The following MAGOH variants were observed in gnomAD, a reference collection of about 807,000 sequenced individuals.
MAGOH encodes the protein protein mago nashi homolog.
In MAGOH, 3 loss-of-function variants were observed where a neutral mutation model predicts 20.9. The observed-to-expected ratio is 0.14, with a 90% CI of 0.07 to 0.37. The LOEUF (loss-of-function observed/expected upper bound fraction) is 0.37. Among genes scored for constraint, MAGOH ranks in the 10% least tolerant of loss-of-function variants. The pLI, the probability that MAGOH is intolerant of heterozygous loss-of-function variation, is 1.00. For missense variants in MAGOH, 66 were observed against 178.1 expected, an observed-to-expected ratio of 0.37 and a Z score of 3.58; for synonymous variants, 51 against 61.0, an observed-to-expected ratio of 0.84 and a Z score of 0.76.
intron 4 of MAGOH, among the ~76,000 whole-genome samples, chr1:53,227,781 C>T (rs1025839246): frequency 1.5e-4 from 23 of 152,016 alleles, no homozygotes; most frequent in Admixed American, 7.2e-4. Flanking sequence ...TCAGGTGATC[C>T]GCCTGCCTCG....
rs780825483 is a variant in MAGOH, at chr1:53,238,343, G to A, written c.88+18C>T. On this transcript the variant is annotated intron_variant, in intron 1 of 4. Coordinates refer to ENST00000371470, the MANE Select transcript of MAGOH (RefSeq NM_002370.4). Reference sequence around the variant, plus strand: ...CAGGCCTGGTCCCCGCTCCCGGCGGGCGGCAGGCTGCTTTTACCGTCCGGT... The same window carrying A: ...CAGGCCTGGTCCCCGCTCCCGGCGGACGGCAGGCTGCTTTTACCGTCCGGT... 3 of 1,613,668 alleles carry A rather than the reference G, an allele frequency of 1.9e-6. No homozygotes were observed. In the East Asian group the frequency reaches 6.7e-5, roughly 36 times the overall value.
At chr1:53,231,562 C>T (rs186354922) in intron 3 of MAGOH, among the ~76,000 whole-genome samples, 16 of 152,238 alleles carry the variant, frequency 1.1e-4, no homozygotes, top group East Asian at 7.7e-4. Context: ...TTAAATAATT[C>T]GTTCTTTTCC....
At chr1:53,236,749 C>T (rs1202700862) in intron 1 of MAGOH, among the ~76,000 whole-genome samples, 2 of 152,150 alleles carry the variant, frequency 1.3e-5, no homozygotes, top group Non-Finnish European at 2.9e-5. Flanking sequence ...AATCTATCTC[C>T]CTCACAGTCG....
At position 53,233,531 on chromosome 1, in the gene MAGOH, A is replaced by G. The variant is rs1645596539; in HGVS notation, c.258+11T>C. On this transcript the variant is annotated intron_variant, in intron 3 of 4. Transcript: ENST00000371470. ...AGATTTCTGCACTACAGGATAATCA[A>G]TAAAACACACCTGCCGGCCCACTCG... 1.2e-6 allele frequency: 2 copies of G among 1,604,144 alleles called. No individual in the cohort carries two copies.
At chr1:53,228,676 G>C (rs1450697603) in intron 4 of MAGOH, among the ~76,000 whole-genome samples, 196 bp downstream of exon 4, 1 of 152,148 alleles carries the variant, frequency 6.6e-6, no homozygotes, top group African/African-American at 2.4e-5. Context: ...AGCAATGGCT[G>C]AATGAAACAC....
intron 4 of MAGOH, among the ~76,000 whole-genome samples, chr1:53,228,425 C>T (rs1645570790): frequency 1.3e-5 from 2 of 151,848 alleles, no homozygotes; most frequent in Admixed American, 6.6e-5. Flanking sequence ...GTGGGAGACT[C>T]CATCTCAAAA....
chr1:53,237,843 C>G (rs905137924), intron 1 of MAGOH, among the ~76,000 whole-genome samples: 4 of 152,046 alleles, frequency 2.6e-5, no homozygotes, highest in African/African-American at 9.7e-5. Context: ...CTCATTCCCG[C>G]CCTGCAGCCT....
intron 1 of MAGOH, among the ~76,000 whole-genome samples, chr1:53,237,253 A>G (rs1477337504): frequency 6.6e-6 from 1 of 150,886 alleles, no homozygotes; most frequent in Admixed American, 6.6e-5. Flanking sequence ...CCGGCCCCCA[A>G]CATCTTTCGT....
At chr1:53,234,400 G>A (rs1460929580) in intron 2 of MAGOH, among the ~76,000 whole-genome samples, 1 of 144,632 alleles carries the variant, frequency 6.9e-6, no homozygotes, top group African/African-American at 2.6e-5. Context: ...TTGAAACGGA[G>A]CCTTGCTCTG....
rs1042866104 is a variant in MAGOH at position 53,226,997 on chromosome 1, A to G, written c.*48T>C. On this transcript the variant is annotated 3_prime_UTR_variant, in exon 5 of 5. Coordinates refer to ENST00000371470, the MANE Select transcript of MAGOH (RefSeq NM_002370.4). ...AAAAAAATACTGCCCTGATATACAC[A>G]AAATTTTCTACTCCCACCCACCCCC... is the stretch of plus-strand genomic sequence containing the variant. 4.9e-6 allele frequency: 5 copies of G among 1,012,022 alleles called. No homozygotes were observed. Among genetic ancestry groups the G allele is most frequent in the Non-Finnish European group, 7.4e-6 (5 of 672,762 alleles). The allele number at this position is 1,012,022 out of a possible 1,614,324, so 62.7% of individuals were successfully genotyped here.
intron 1 of MAGOH, among the ~76,000 whole-genome samples, chr1:53,237,673 C>CAAAAAAAAAAAAAAAAAAAAAAAAAAA (rs1231950502): frequency 3.6e-5 from 2 of 55,340 alleles, no homozygotes; most frequent in African/African-American, 1.3e-4. Context: ...AAAGCCGTCT[C>CAAAAAAAAAAAAAAAAAAAAAAAAAAA]AAAAAAAAAA....
chr1:53,227,997 G>GT (rs1645568611), intron 4 of MAGOH, among the ~76,000 whole-genome samples: 1 of 151,860 alleles, frequency 6.6e-6, no homozygotes, highest in Admixed American at 6.6e-5. Context: ...CCCTCAAAAC[G>GT]TAAGAGCCAA....
chr1:53,228,122 A>T (rs1230043100), intron 4 of MAGOH, among the ~76,000 whole-genome samples: 1 of 152,010 alleles, frequency 6.6e-6, no homozygotes, highest in Non-Finnish European at 1.5e-5. Flanking sequence ...CACCAAACCA[A>T]TGCTTTTGTA....
intron 3 of MAGOH, among the ~76,000 whole-genome samples, chr1:53,230,974 GTGAATATGTCTCCA>G (rs1381760958): frequency 6.6e-6 from 1 of 152,134 alleles, no homozygotes; most frequent in East Asian, 1.9e-4. Context: ...CCTTGTACAT[GTGAATATGTCTCCA>G]TATAATTCCT....
intron 3 of MAGOH, 42 bp downstream of exon 3, chr1:53,233,500 T>C (rs368351712): frequency 2.1e-6 from 3 of 1,419,580 alleles, no homozygotes; most frequent in South Asian, 1.2e-5. Context: ...GGGGGTCTTA[T>C]TTGTAAGATT....
intron 1 of MAGOH, among the ~76,000 whole-genome samples, chr1:53,237,357 A>G (rs1415718369): frequency 6.6e-6 from 1 of 151,524 alleles, no homozygotes; most frequent in Non-Finnish European, 1.5e-5. Flanking sequence ...TCAAGAAGAG[A>G]TCACATTTCT....
At chr1:53,236,554 G>A (rs896449340) in intron 1 of MAGOH, among the ~76,000 whole-genome samples, 3 of 152,148 alleles carry the variant, frequency 2.0e-5, no homozygotes, top group Admixed American at 1.3e-4. Flanking sequence ...TTTGCATGCT[G>A]TCTAAAATGC....
intron 3 of MAGOH, among the ~76,000 whole-genome samples, chr1:53,231,043 C>T (rs537840751): frequency 4.6e-5 from 7 of 152,208 alleles, no homozygotes; most frequent in Admixed American, 1.3e-4. Flanking sequence ...CTCCCTAACG[C>T]GGTTATACTA....
chr1:53,237,457 CT>C (rs1645617788), intron 1 of MAGOH, among the ~76,000 whole-genome samples: 1 of 150,292 alleles, frequency 6.7e-6, no homozygotes, highest in Non-Finnish European at 1.5e-5. Context: ...GGCGTATCAC[CT>C]GAGGTCAGGA....
Sources: allele counts gnomAD v4.1 joint callset (sites outside exome capture counted in the v4.1 genomes callset), GRCh38; gene constraint gnomAD v4.1.1; transcripts MANE v1.5; gene names NCBI Gene and HGNC (gene_info 2026-07-23, HGNC 2026-07-21).